The following FAM50B variants were observed in gnomAD, a reference collection of about 807,000 sequenced individuals.
FAM50B encodes the protein family with sequence similarity 50 member B.
FAM50B carries 9 observed loss-of-function variants against 25.4 expected under a neutral mutation model. The ratio of observed to expected loss-of-function variants is 0.35; its 90% CI spans 0.21 to 0.62. FAM50B has a LOEUF of 0.62. Ranked by LOEUF, FAM50B falls within the 20% of genes least tolerant of loss-of-function variation. The pLI, the probability that FAM50B is intolerant of heterozygous loss-of-function variation, is 0.73. For synonymous variants in FAM50B, 212 were observed against 204.3 expected (o/e 1.04, Z -0.32); for missense variants, 372 against 477.9 (o/e 0.78, Z 2.07).
the FAM50B span, among the ~76,000 whole-genome samples, chr6:3,840,438 A>T: frequency 6.6e-6 from 1 of 151,564 alleles, no homozygotes; most frequent in Non-Finnish European, 1.5e-5. Flanking sequence ...ACGCCACTGC[A>T]CTCCAGCCTG....
chr6:3,834,986 T>C, the FAM50B span, among the ~76,000 whole-genome samples: 1 of 152,174 alleles, frequency 6.6e-6, no homozygotes, highest in East Asian at 1.9e-4. Context: ...TTTCACAAAA[T>C]TCAAGCAGTA....
upstream of FAM50B, among the ~76,000 whole-genome samples, chr6:3,844,612 G>A (rs922492983): frequency 6.6e-6 from 1 of 152,156 alleles, no homozygotes; most frequent in Non-Finnish European, 1.5e-5. Context: ...TCGGGAGGCT[G>A]AGGCAGGAGA....
rs772236227 is a variant in FAM50B at position 3,849,773 on chromosome 6, T to G, written c.-23-16T>G. The G allele has an allele frequency of 1.4e-5, 22 of 1,559,578 alleles. No individual in the cohort carries two copies. In the Admixed American group the frequency reaches 3.9e-4, roughly 28 times the overall value. ...GGGCCCCCCTCTACCTGCCGCGTTT[T>G]TCCTCTTTGCTGCAGAGCCCATCGG... On this transcript the variant is annotated splice_polypyrimidine_tract_variant and intron_variant, in intron 1 of 1. Coordinates refer to ENST00000648326, the MANE Select transcript of FAM50B (RefSeq NM_012135.3).
At chr6:3,849,088 C>A (rs1762159095), upstream of FAM50B, among the ~76,000 whole-genome samples, 1 of 152,192 alleles carries the variant, frequency 6.6e-6, no homozygotes, top group African/African-American at 2.4e-5. Flanking sequence ...CGAGAAGGCT[C>A]AGCACGCACG....
intron 1 of FAM50B, 85 bp downstream of exon 1, chr6:3,849,571 A>T: frequency 1.6e-6 from 1 of 614,132 alleles, no homozygotes; most frequent in Non-Finnish European, 2.6e-6. Context: ...GCCACCCGTT[A>T]CGTGGGGCCG....
chr6:3,849,738 G>A, intron 1 of FAM50B, 51 bp from the exon 2 acceptor site: 3 of 1,496,056 alleles, frequency 2.0e-6, no homozygotes, highest in South Asian at 1.3e-5. Flanking sequence ...AGCATTCCCC[G>A]CCGTTGCGTG....
Position 3,850,304 on chromosome 6 carries a change from C to T in FAM50B, c.493C>T (p.Leu165Phe), listed in dbSNP as rs892917112. 6 of 1,613,194 alleles carry T rather than the reference C, an allele frequency of 3.7e-6. No homozygotes were observed. The African/African-American group carries it at 8.0e-5, about 22-fold the overall frequency. The change falls in exon 2 of 2, where the codon CTC becomes TTC. Residue 165 changes from leucine (L) to phenylalanine (F), a missense_variant. Transcript: ENST00000648326. ...DRDREEEENR[L>F]REELRQEWEA... ...CGACCGCGAGGAGGAGGAGAACCGG[C>T]TCCGAGAGGAGCTGCGCCAAGAGTG... is the stretch of plus-strand genomic sequence containing the variant.
upstream of FAM50B, among the ~76,000 whole-genome samples, chr6:3,845,179 A>G (rs1029873186): frequency 5.9e-5 from 9 of 152,212 alleles, no homozygotes; most frequent in Non-Finnish European, 8.8e-5. Flanking sequence ...CTTGGAACTT[A>G]GGGGAAAATT....
At chr6:3,833,395 T>C in the FAM50B span, among the ~76,000 whole-genome samples, 1 of 152,208 alleles carries the variant, frequency 6.6e-6, no homozygotes, top group Admixed American at 6.5e-5. Context: ...CAGCTACTGA[T>C]CTTCACAGTG....
chr6:3,842,216 G>A, the FAM50B span, among the ~76,000 whole-genome samples: 4 of 152,188 alleles, frequency 2.6e-5, no homozygotes, highest in Non-Finnish European at 1.5e-5. Context: ...AAGAGGAGAG[G>A]ACTGCCAGAG....
the FAM50B span, among the ~76,000 whole-genome samples, chr6:3,842,963 T>C: frequency 9.5e-4 from 145 of 152,370 alleles, 1 homozygote; most frequent in African/African-American, 3.3e-3. Flanking sequence ...AAGCCTATTT[T>C]GTCCATTTTC....
At chr6:3,835,824 C>T in the FAM50B span, among the ~76,000 whole-genome samples, 2 of 152,168 alleles carry the variant, frequency 1.3e-5, no homozygotes, top group Non-Finnish European at 2.9e-5. Flanking sequence ...CCCAATTCTC[C>T]CGACACTGTG....
At chr6:3,834,025 A>C in the FAM50B span, 1 of 152,204 alleles carries the variant, frequency 6.6e-6, no homozygotes, top group East Asian at 1.9e-4. Flanking sequence ...ATTAGCAAGA[A>C]TAGCTATGAC....
Position 3,850,698 on chromosome 6 carries a change from G to A in FAM50B, c.887G>A (p.Ser296Asn), listed in dbSNP as rs764959243. The A allele has an allele frequency of 6.2e-7, 1 of 1,614,142 alleles. No individual in the cohort carries two copies. The highest frequency in any genetic ancestry group is 1.1e-5 in the South Asian group (1 of 91,080). The stretch of plus-strand genomic sequence containing the variant: ...CACGCGGGCAAGGTGGTGCTGCGCA[G>A]CTGGTACGAGAAGAACAAGCACATC... ...ESHAGKVVLRSWYEKNKHIFP... is the reference protein window; with the variant it reads ...ESHAGKVVLRNWYEKNKHIFP... Residue 296 changes from serine to asparagine, a missense_variant, in exon 2 of 2, where the codon AGC becomes AAC. By Grantham distance (46) the Ser-to-Asn change is conservative. Transcript: ENST00000648326.
rs753295618 is a variant in FAM50B, at chr6:3,850,157, A to G, written c.346A>G (p.Lys116Glu). 2 of 1,613,042 alleles carry G rather than the reference A, an allele frequency of 1.2e-6. No individual in the cohort carries two copies. The highest frequency in any genetic ancestry group is 2.2e-5 in the South Asian group (2 of 91,058). Residue 116 changes from lysine to glutamate, a missense_variant, in exon 2 of 2, where the codon AAG becomes GAG. By Grantham distance (56) the Lys-to-Glu change is moderately conservative. This residue lies in a region of FAM50B where 224 missense variants were observed against 232.2 expected (regional missense o/e 0.96). Transcript: ENST00000648326. ...EQEQRRERKR[K>E]ISCLSFALDD... The stretch of plus-strand genomic sequence containing the variant: ...GGAGCAGCGGCGCGAGCGCAAGCGT[A>G]AGATCTCCTGCCTGTCCTTTGCACT...
intron 1 of FAM50B, 136 bp downstream of exon 1, chr6:3,849,622 A>G: frequency 2.0e-6 from 2 of 1,011,786 alleles, no homozygotes; most frequent in Admixed American, 3.1e-5. Context: ...AATGCTGGAA[A>G]TTGGTGCCTG....
chr6:3,846,454 C>A (rs1021931667), upstream of FAM50B, among the ~76,000 whole-genome samples: 5 of 152,192 alleles, frequency 3.3e-5, no homozygotes, highest in Admixed American at 1.3e-4. Flanking sequence ...ATTCAGTGAG[C>A]TGTGCTCTAT....
At chr6:3,834,309 G>T in the FAM50B span, among the ~76,000 whole-genome samples, 2 of 142,030 alleles carry the variant, frequency 1.4e-5, no homozygotes, top group South Asian at 2.2e-4. Context: ...GTCAGCTTTG[G>T]CTACATAAAA....
At chr6:3,835,434 G>A in the FAM50B span, among the ~76,000 whole-genome samples, 1 of 152,166 alleles carries the variant, frequency 6.6e-6, no homozygotes, top group Non-Finnish European at 1.5e-5. Flanking sequence ...CTTTGGACTT[G>A]ACTTTGGACT....
Sources: gnomAD v4.1 joint callset for allele counts (sites outside exome capture counted in the v4.1 genomes callset) on GRCh38, gnomAD v4.1.1 for gene constraint, gnomAD v4.1.1 regional missense constraint, MANE v1.5 for transcripts, NCBI Gene and HGNC (gene_info 2026-07-23, HGNC 2026-07-21) for gene names.